Variants in GFOD1 observed in about 807,000 individuals in gnomAD.
The protein encoded by GFOD1 is glucose-fructose oxidoreductase domain-containing protein 1.
A neutral mutation model predicts 25.4 loss-of-function variants in GFOD1; 9 were observed. That is an observed-to-expected ratio of 0.35 (90% confidence interval 0.21 to 0.62). The LOEUF is 0.62. GFOD1 is among the 20% of genes least tolerant of loss of function. The pLI is 0.72. For synonymous variants in GFOD1, 253 were observed against 245.6 expected (o/e 1.03, Z -0.28); for missense variants, 403 against 556.9 (o/e 0.72, Z 2.78).
At chr6:13,425,777 G>GT (rs1381769827) in intron 1 of GFOD1, among the ~76,000 whole-genome samples, 1 of 151,922 alleles carries the variant, frequency 6.6e-6, no homozygotes, top group Non-Finnish European at 1.5e-5. Flanking sequence ...TAGGCCAGGG[G>GT]TGTCCAATCT....
intron 1 of GFOD1, among the ~76,000 whole-genome samples, chr6:13,431,639 C>T (rs1757752293): frequency 6.6e-6 from 1 of 152,196 alleles, no homozygotes; most frequent in African/African-American, 2.4e-5. Flanking sequence ...CTGAACGGCC[C>T]TACTCCAATT....
intron 1 of GFOD1, among the ~76,000 whole-genome samples, chr6:13,480,115 T>A (rs1321696627): frequency 4.6e-5 from 7 of 152,146 alleles, no homozygotes; most frequent in Admixed American, 2.0e-4. Flanking sequence ...GCTGACACCA[T>A]GAAGAAGGAC....
At chr6:13,405,066 T>C (rs765685043) in intron 1 of GFOD1, among the ~76,000 whole-genome samples, 19 of 152,252 alleles carry the variant, frequency 1.2e-4, no homozygotes, top group Admixed American at 3.9e-4. Context: ...TTCTAGACTC[T>C]ATCTCAAATG....
intron 1 of GFOD1, among the ~76,000 whole-genome samples, chr6:13,477,440 T>C (rs1389649397): frequency 6.6e-6 from 1 of 151,954 alleles, no homozygotes; most frequent in Non-Finnish European, 1.5e-5. Flanking sequence ...TCCTGACTCC[T>C]GGCTCCTTCA....
chr6:13,473,074 C>T (rs185814783), intron 1 of GFOD1, among the ~76,000 whole-genome samples: 4 of 152,180 alleles, frequency 2.6e-5, no homozygotes, highest in Admixed American at 2.6e-4. Context: ...TGACACAAAT[C>T]CAGAGTTTGT....
At position 13,365,677 on chromosome 6, in the gene GFOD1, A is replaced by G. The variant is rs374149522; in HGVS notation, c.254-15T>C. ...CTTGCCGATGCCTGCGGGTGGGAGG[A>G]AGACAGCGGTCAGCGGGGCAGGACC... On this transcript the variant is annotated splice_polypyrimidine_tract_variant and intron_variant, in intron 1 of 1. Coordinates refer to ENST00000379287, the MANE Select transcript of GFOD1 (RefSeq NM_018988.4). This position sits in a 1 kb window ranked among gnomAD's most constrained non-coding sequence, Gnocchi z 9.2. 16 of 1,577,906 alleles carry G rather than the reference A, an allele frequency of 1.0e-5. No individual in the cohort carries two copies. The highest frequency in any genetic ancestry group is 2.2e-5 in the South Asian group (2 of 90,348).
intron 1 of GFOD1, among the ~76,000 whole-genome samples, chr6:13,370,725 GTA>G (rs35831777): frequency 0.5 from 75,758 of 151,138 alleles, 19,083 homozygotes; most frequent in East Asian, 0.6. Flanking sequence ...GTGTGTGTGT[GTA>G]TGTATGTATG....
intron 1 of GFOD1, among the ~76,000 whole-genome samples, chr6:13,483,256 G>A (rs1346518880): frequency 6.6e-6 from 1 of 152,192 alleles, no homozygotes; most frequent in Non-Finnish European, 1.5e-5. Context: ...CACTTGGGCT[G>A]AGTATTGAAG....
chr6:13,386,625 T>C (rs910262573), intron 1 of GFOD1, among the ~76,000 whole-genome samples: 3 of 152,306 alleles, frequency 2.0e-5, no homozygotes, highest in Admixed American at 2.0e-4. Flanking sequence ...CCATTCTTCC[T>C]GGGGGCTTTC....
chr6:13,373,724 C>T (rs1785192934), intron 1 of GFOD1, among the ~76,000 whole-genome samples: 1 of 147,606 alleles, frequency 6.8e-6, no homozygotes, highest in Non-Finnish European at 1.5e-5. Flanking sequence ...TCCTGCTAAT[C>T]TCCTTCCTGC....
At chr6:13,459,408 A>C (rs943491160) in intron 1 of GFOD1, among the ~76,000 whole-genome samples, 3 of 151,894 alleles carry the variant, frequency 2.0e-5, no homozygotes, top group African/African-American at 4.8e-5. Context: ...AAAACCCTAG[A>C]AGAAAATCTA....
At chr6:13,480,883 T>C (rs549350592) in intron 1 of GFOD1, among the ~76,000 whole-genome samples, 2 of 152,348 alleles carry the variant, frequency 1.3e-5, no homozygotes, top group Admixed American at 1.3e-4. Flanking sequence ...AAGAATACTA[T>C]GTGTTAATTG....
At chr6:13,433,050 G>A (rs1757778054) in intron 1 of GFOD1, among the ~76,000 whole-genome samples, 1 of 151,726 alleles carries the variant, frequency 6.6e-6, no homozygotes. Flanking sequence ...TCAACATGTG[G>A]CTAAGCCACA....
chr6:13,394,631 T>C (rs1446678625), intron 1 of GFOD1, among the ~76,000 whole-genome samples: 1 of 118,374 alleles, frequency 8.4e-6, no homozygotes, highest in East Asian at 2.5e-4. Context: ...CATGCTACCA[T>C]ACTTGGCTAA....
chr6:13,392,838 T>C (rs1785641162), intron 1 of GFOD1, among the ~76,000 whole-genome samples: 1 of 151,984 alleles, frequency 6.6e-6, no homozygotes, highest in Non-Finnish European at 1.5e-5. Flanking sequence ...GGAGGATCGC[T>C]TGAGGCCAGG....
Position 13,364,593 on chromosome 6 carries a change from G to T in GFOD1, c.*150C>A. The stretch of plus-strand genomic sequence containing the variant: ...TGGTTTGGGGTCGGTCACCGGGATT[G>T]GAGTTTACCTTCCTAGATGCCATTT... On this transcript the variant is annotated 3_prime_UTR_variant, in exon 2 of 2. Coordinates refer to ENST00000379287, the MANE Select transcript of GFOD1 (RefSeq NM_018988.4). The surrounding 1 kb of genome is among the most constrained non-coding windows in gnomAD (Gnocchi z 4.1). The T allele has an allele frequency of 1.5e-6, 1 of 685,380 alleles. No homozygotes were observed. The highest frequency in any genetic ancestry group is 2.4e-6 in the Non-Finnish European group (1 of 414,068). 42.5% of individuals were successfully genotyped at this position (685,380 alleles called of 1,614,324 possible).
chr6:13,419,119 G>A (rs1786211251), intron 1 of GFOD1, among the ~76,000 whole-genome samples: 1 of 152,176 alleles, frequency 6.6e-6, no homozygotes, highest in South Asian at 2.1e-4. Flanking sequence ...CTGAAGTCCA[G>A]GTTGCCATAT....
intron 1 of GFOD1, among the ~76,000 whole-genome samples, chr6:13,448,937 C>T (rs924991961): frequency 6.6e-6 from 1 of 152,146 alleles, no homozygotes; most frequent in African/African-American, 2.4e-5. Flanking sequence ...TGGAATGACT[C>T]CTTCTGCCCT....
intron 1 of GFOD1, chr6:13,469,502 C>A: frequency 1.0e-6 from 1 of 994,286 alleles, no homozygotes; most frequent in Non-Finnish European, 1.2e-6. Flanking sequence ...ATGATATGGC[C>A]TTTGTTCATA....
Sources: allele counts gnomAD v4.1 joint callset (sites outside exome capture counted in the v4.1 genomes callset), GRCh38; gene constraint gnomAD v4.1.1; non-coding constraint Gnocchi (gnomAD v3.1); transcripts MANE v1.5; gene names NCBI Gene and HGNC (gene_info 2026-07-23, HGNC 2026-07-21).